Variants in ZBTB20 observed in about 807,000 individuals in gnomAD.
The protein encoded by ZBTB20 is zinc finger and BTB domain-containing protein 20.
In ZBTB20, 9 loss-of-function variants were observed where a neutral mutation model predicts 56.9. The ratio of observed to expected loss-of-function variants is 0.16; its 90% CI spans 0.10 to 0.28. ZBTB20 has a LOEUF of 0.28. ZBTB20 is among the 10% of genes least tolerant of loss of function. The probability of loss-of-function intolerance (pLI) is 1.00; values close to 1 mark genes in which losing one functional copy is unlikely to be tolerated. For synonymous variants in ZBTB20, 417 were observed against 420.7 expected (o/e 0.99, Z 0.11); for missense variants, 655 against 1,003.0 (o/e 0.65, Z 4.69).
At chr3:114,773,042 TA>T (rs1560232911) in intron 5 of ZBTB20, among the ~76,000 whole-genome samples, 1 of 152,174 alleles carries the variant, frequency 6.6e-6, no homozygotes, top group East Asian at 1.9e-4. Flanking sequence ...GGCTCTGACA[TA>T]TAGGGACAGC....
intron 4 of ZBTB20, among the ~76,000 whole-genome samples, chr3:114,894,332 T>C (rs2074775366): frequency 6.6e-6 from 1 of 152,190 alleles, no homozygotes; most frequent in Non-Finnish European, 1.5e-5. Flanking sequence ...CATACATGCA[T>C]ATATATACAT....
At chr3:114,564,179 C>A (rs565814088) in intron 6 of ZBTB20, among the ~76,000 whole-genome samples, 1 of 152,244 alleles carries the variant, frequency 6.6e-6, no homozygotes, top group Non-Finnish European at 1.5e-5. Context: ...GATCCTCCTG[C>A]CTGCCTCTTT....
rs181345200 is a variant in ZBTB20 at position 114,923,844 on chromosome 3, T to C, written c.-455-23502A>G. Among the ~76,000 whole-genome samples, 43 of 152,102 alleles carry C rather than the reference T, an allele frequency of 2.8e-4. 1 individual carries two copies. In the East Asian group the frequency reaches 8.1e-3, roughly 29 times the overall value. ...GAAGGGTTGATATTCAGAATGTATG[T>C]AGAACTCACACAACTCAATGGCAAA... On this transcript the variant is annotated intron_variant, in intron 3 of 11. Transcript: ENST00000675478.
At chr3:115,134,009 A>G (rs2084585216) in intron 1 of ZBTB20, among the ~76,000 whole-genome samples, 1 of 152,172 alleles carries the variant, frequency 6.6e-6, no homozygotes, top group Non-Finnish European at 1.5e-5. Flanking sequence ...GGGTTTTACT[A>G]TATGGTTTTT....
chr3:114,864,420 T>A (rs2075673875), intron 4 of ZBTB20, among the ~76,000 whole-genome samples: 5 of 152,094 alleles, frequency 3.3e-5, no homozygotes, highest in Admixed American at 2.0e-4. Context: ...CAGATTCAAT[T>A]ATAATTTCCC....
Position 114,825,900 on chromosome 3 carries a change from A to G in ZBTB20, c.-416-24726T>C, listed in dbSNP as rs1042128210. Among the ~76,000 whole-genome samples, 306 of 151,926 alleles carry G rather than the reference A, an allele frequency of 2.0e-3. 1 individual carries two copies. Among genetic ancestry groups the G allele is most frequent in the African/African-American group, 6.6e-3 (273 of 41,524 alleles). On this transcript the variant is annotated intron_variant, in intron 4 of 11. Coordinates refer to ENST00000675478, the MANE Select transcript of ZBTB20 (RefSeq NM_001348800.3). Reference sequence around the variant, plus strand: ...GTCTTAATTTTTTCAACTGTAAGATAAATGAATCAGACTTGTCAGTATCTA... The same window carrying G: ...GTCTTAATTTTTTCAACTGTAAGATGAATGAATCAGACTTGTCAGTATCTA...
At chr3:114,582,055 A>G (rs1474628049) in intron 6 of ZBTB20, 2 of 152,198 alleles carry the variant, frequency 1.3e-5, no homozygotes, top group South Asian at 2.1e-4. Context: ...CAAAATATAT[A>G]GCTTATGTAA....
At position 114,702,876 on chromosome 3, in the gene ZBTB20, G is replaced by A. The variant is rs916545104; in HGVS notation, c.-342-9301C>T. Among the ~76,000 whole-genome samples the A allele has an allele frequency of 5.6e-4, 85 of 152,286 alleles. 1 individual carries two copies. Among genetic ancestry groups the A allele is most frequent in the Admixed American group, 3.5e-3 (53 of 15,298 alleles). On this transcript the variant is annotated intron_variant, in intron 5 of 11. Coordinates refer to ENST00000675478, the MANE Select transcript of ZBTB20 (RefSeq NM_001348800.3). ...AAAAGAATCTGTAGTCTGAAACACTGTAGAGTATGCCAACTTTACACATTA... is the reference window on the plus strand; with the variant it reads ...AAAAGAATCTGTAGTCTGAAACACTATAGAGTATGCCAACTTTACACATTA...
intron 6 of ZBTB20, among the ~76,000 whole-genome samples, chr3:114,654,935 C>T (rs964650325): frequency 1.7e-4 from 26 of 152,100 alleles, no homozygotes; most frequent in Non-Finnish European, 3.2e-4. Flanking sequence ...AAAGTCTATT[C>T]TTTGTAATAT....
intron 10 of ZBTB20, chr3:114,367,177 T>C (rs2082495623): frequency 2.0e-5 from 3 of 152,228 alleles, no homozygotes; most frequent in South Asian, 2.1e-4. Context: ...AGATTGTAGA[T>C]GGGTGCACAC....
chr3:114,786,270 C>T lies in ZBTB20; in HGVS notation c.-343+14831G>A, dbSNP rs60887931. ...AACCTGTCATCTACATCAGGTATTTCTCCTAATGCTATCCCTTCCCCAGAC... is the reference window on the plus strand; with the variant it reads ...AACCTGTCATCTACATCAGGTATTTTTCCTAATGCTATCCCTTCCCCAGAC... On this transcript the variant is annotated intron_variant, in intron 5 of 11. Coordinates refer to ENST00000675478, the MANE Select transcript of ZBTB20 (RefSeq NM_001348800.3). 9.5e-3 allele frequency among the ~76,000 whole-genome samples: 1,447 copies of T among 152,144 alleles called. 29 individuals are homozygous for T. Among genetic ancestry groups the T allele is most frequent in the African/African-American group, 0.033 (1,354 of 41,490 alleles).
chr3:114,466,005 G>A (rs1274194306), intron 7 of ZBTB20, among the ~76,000 whole-genome samples: 1 of 151,808 alleles, frequency 6.6e-6, no homozygotes, highest in Admixed American at 6.6e-5. Flanking sequence ...TGTGCATTAT[G>A]TTTTAAGCAT....
intron 5 of ZBTB20, among the ~76,000 whole-genome samples, chr3:114,757,966 GTTAAT>G: frequency 6.6e-6 from 1 of 152,064 alleles, no homozygotes; most frequent in South Asian, 2.1e-4. Context: ...TTATTAATTA[GTTAAT>G]TTAGTTTAAA....
intron 5 of ZBTB20, among the ~76,000 whole-genome samples, chr3:114,738,945 G>T (rs1166401203): frequency 6.6e-6 from 1 of 152,164 alleles, no homozygotes; most frequent in Non-Finnish European, 1.5e-5. Context: ...CTAGACTATT[G>T]ACTAGTTATG....
chr3:114,770,891 C>T (rs1189556083), intron 5 of ZBTB20, among the ~76,000 whole-genome samples: 1 of 152,160 alleles, frequency 6.6e-6, no homozygotes, highest in Non-Finnish European at 1.5e-5. Context: ...TGAAATACTA[C>T]AATGAGCATT....
chr3:115,019,107 T>C (rs1280650165), intron 2 of ZBTB20, among the ~76,000 whole-genome samples: 2 of 151,334 alleles, frequency 1.3e-5, no homozygotes, highest in Non-Finnish European at 3.0e-5. Flanking sequence ...TTACCTACCC[T>C]GACTAAATAT....
Position 114,978,333 on chromosome 3 carries a change from AC to A in ZBTB20, c.-506-3918del, listed in dbSNP as rs573142307. On this transcript the variant is annotated intron_variant, in intron 2 of 11. Transcript: ENST00000675478. ...ATTAAATAATATTATTAATTCTAAT[AC>A]CTATAAGTAATAAGGTGAAATAAGA... Among the ~76,000 whole-genome samples, 65 of 149,312 alleles carry A rather than the reference AC, an allele frequency of 4.4e-4. No homozygotes were observed. The East Asian group carries it at 8.6e-3, about 20-fold the overall frequency.
intron 6 of ZBTB20, among the ~76,000 whole-genome samples, chr3:114,674,880 C>CA (rs2061542506): frequency 6.6e-6 from 1 of 151,422 alleles, no homozygotes; most frequent in African/African-American, 2.4e-5. Flanking sequence ...ACACACAAGT[C>CA]AAAAATATGG....
chr3:114,609,347 G>A (rs1445214297), intron 6 of ZBTB20, among the ~76,000 whole-genome samples: 2 of 152,122 alleles, frequency 1.3e-5, no homozygotes, highest in Non-Finnish European at 2.9e-5. Flanking sequence ...TGACTATAAA[G>A]AATATTCGTT....
Sources: gnomAD v4.1 joint callset for allele counts (sites outside exome capture counted in the v4.1 genomes callset) on GRCh38, gnomAD v4.1.1 for gene constraint, MANE v1.5 for transcripts, NCBI Gene and HGNC (gene_info 2026-07-23, HGNC 2026-07-21) for gene names.